The following BRI3BP variants were observed in gnomAD, a reference collection of about 807,000 sequenced individuals.
BRI3BP encodes the protein BRI3-binding protein.
A neutral mutation model predicts 15.8 loss-of-function variants in BRI3BP; 7 were observed. That is an observed-to-expected ratio of 0.44 (90% confidence interval 0.25 to 0.83). The LOEUF is 0.83. Among genes scored for constraint, BRI3BP ranks in the 40% least tolerant of loss-of-function variants. The pLI is 0.20. For missense variants in BRI3BP, 320 were observed against 339.3 expected, an observed-to-expected ratio of 0.94 and a Z score of 0.45; for synonymous variants, 192 against 163.5, an observed-to-expected ratio of 1.17 and a Z score of -1.33.
chr12:125,014,145 C>T (rs907832679), intron 2 of BRI3BP, among the ~76,000 whole-genome samples: 2 of 152,176 alleles, frequency 1.3e-5, no homozygotes, highest in African/African-American at 2.4e-5. Flanking sequence ...TTTTCTCTAC[C>T]GTGCCCCATG....
In BRI3BP at chr12:125,026,951, TA is replaced by T. The variant is rs34513244; in HGVS notation, c.*1537del. Reference sequence around the variant, plus strand: ...TAGGCAACAGAGCAAGACTTCATCTTAAAAAAAAAAAAAAAAGCCCAGCATT... The same window carrying T: ...TAGGCAACAGAGCAAGACTTCATCTTAAAAAAAAAAAAAAAGCCCAGCATT... On this transcript the variant is annotated 3_prime_UTR_variant, in exon 3 of 3. Transcript: ENST00000341446. 23,862 of 129,020 alleles carry T rather than the reference TA, an allele frequency of 0.18. 1,949 individuals are homozygous for T. Among genetic ancestry groups the T allele is most frequent in the South Asian group, 0.33 (1,338 of 4,064 alleles). 8.0% of individuals were successfully genotyped at this position (129,020 alleles called of 1,614,324 possible). A position where few individuals can be genotyped will look rare whatever the true frequency, so the allele number is the denominator to read the frequency against.
At chr12:125,049,706 C>A in the BRI3BP span, among the ~76,000 whole-genome samples, 1 of 152,226 alleles carries the variant, frequency 6.6e-6, no homozygotes, top group Non-Finnish European at 1.5e-5. Flanking sequence ...GCCTATGAAC[C>A]GGAACGCGTC....
chr12:125,024,221 G>A (rs1243367581), intron 2 of BRI3BP, among the ~76,000 whole-genome samples: 3 of 151,812 alleles, frequency 2.0e-5, no homozygotes, highest in Non-Finnish European at 4.4e-5. Context: ...AGCAAAGGGG[G>A]CAGCTGCCAA....
At chr12:125,017,858 G>T (rs1490542796) in intron 2 of BRI3BP, among the ~76,000 whole-genome samples, 1 of 152,166 alleles carries the variant, frequency 6.6e-6, no homozygotes, top group Non-Finnish European at 1.5e-5. Context: ...GGGTTGTGTG[G>T]CTCCGGAAAC....
At chr12:124,996,757 CTT>C (rs35063111) in intron 1 of BRI3BP, among the ~76,000 whole-genome samples, 10 of 132,594 alleles carry the variant, frequency 7.5e-5, no homozygotes, top group Non-Finnish European at 9.6e-5. Context: ...ACCCCATAGT[CTT>C]TTTTTTTTTT....
chr12:125,005,801 C>T (rs1391495012), intron 1 of BRI3BP, among the ~76,000 whole-genome samples: 1 of 151,778 alleles, frequency 6.6e-6, no homozygotes, highest in African/African-American at 2.4e-5. Flanking sequence ...TCTAGAGGCC[C>T]GATAAGATTC....
chr12:125,007,153 C>T (rs921170170), intron 1 of BRI3BP, among the ~76,000 whole-genome samples: 4 of 151,274 alleles, frequency 2.6e-5, no homozygotes, highest in Admixed American at 6.6e-5. Context: ...GAGCCGAGGT[C>T]GCACCACTGT....
At chr12:125,002,646 C>CA (rs1174628922) in intron 1 of BRI3BP, among the ~76,000 whole-genome samples, 2 of 152,048 alleles carry the variant, frequency 1.3e-5, no homozygotes, top group African/African-American at 4.8e-5. Flanking sequence ...TTAGTACAGA[C>CA]AGAGTTTCAC....
chr12:125,000,590 G>T (rs1955082546), intron 1 of BRI3BP, among the ~76,000 whole-genome samples: 1 of 151,958 alleles, frequency 6.6e-6, no homozygotes, highest in Non-Finnish European at 1.5e-5. Context: ...GGGATTACAG[G>T]CGTGAGCCAC....
chr12:125,025,914 C>A lies in BRI3BP; in HGVS notation c.*484C>A. 6.6e-6 allele frequency: 1 copy of A among 152,606 alleles called. No homozygotes were observed. The highest frequency in any genetic ancestry group is 6.5e-5 in the Admixed American group (1 of 15,328). 9.5% of individuals were successfully genotyped at this position (152,606 alleles called of 1,614,324 possible). A position where few individuals can be genotyped will look rare whatever the true frequency, so the allele number is the denominator to read the frequency against. Reference sequence around the variant, plus strand: ...GGGATTGGTGGGTGAGGTCTGTGTGCGTTATTTTCATGTTCCCAAACTGTG... The same window carrying A: ...GGGATTGGTGGGTGAGGTCTGTGTGAGTTATTTTCATGTTCCCAAACTGTG... On this transcript the variant is annotated 3_prime_UTR_variant, in exon 3 of 3. Coordinates refer to ENST00000341446, the MANE Select transcript of BRI3BP (RefSeq NM_080626.6).
intron 1 of BRI3BP, among the ~76,000 whole-genome samples, chr12:125,001,491 CTGGG>C (rs1189361719): frequency 6.6e-6 from 1 of 152,208 alleles, no homozygotes; most frequent in Admixed American, 6.5e-5. Context: ...TCCTGAGTAG[CTGGG>C]CTTACAAGCA....
rs200627841 is a variant in BRI3BP at position 125,025,119 on chromosome 12, G to T, written c.445G>T (p.Val149Phe). ...LSLTLGFTFS[V>F]LHVVFGRFFW... ...CCTGACCCTGGGCTTCACTTTCAGC[G>T]TCCTGCACGTGGTGTTCGGCCGCTT... Residue 149 changes from valine to phenylalanine, a missense_variant, in exon 3 of 3, where the codon GTC becomes TTC. Transcript: ENST00000341446. 1 of 1,613,890 alleles carries T rather than the reference G, an allele frequency of 6.2e-7. No homozygotes were observed. Among genetic ancestry groups the T allele is most frequent in the African/African-American group, 1.3e-5 (1 of 74,908 alleles).
At position 124,993,994 on chromosome 12, in the gene BRI3BP, CG is replaced by C; in HGVS notation, c.205del (p.Ala69LeufsTer8). The C allele has an allele frequency of 7.4e-7, 1 of 1,348,092 alleles. No homozygotes were observed. The highest frequency in any genetic ancestry group is 2.6e-5 in the Admixed American group (1 of 38,712). The allele number at this position is 1,348,092 out of a possible 1,614,324, so 83.5% of individuals were successfully genotyped here. A position where few individuals can be genotyped will look rare whatever the true frequency, so the allele number is the denominator to read the frequency against. On this transcript the variant is annotated frameshift_variant, in exon 1 of 3. Transcript: ENST00000341446. LOFTEE classifies it high-confidence loss of function. ...TGTTCGGCGAGGACAACGTGCGCGC[CG>C]CTCAGAAGGTGGGCGCCGGGCCCGC... ...SLFGEDNVRAAQKFLARLTER... is the reference protein window; with the variant it reads ...SLFGEDNVRAXQKFLARLTER...
chr12:125,025,007 G>T lies in BRI3BP; in HGVS notation c.333G>T (p.Gln111His), dbSNP rs1277620980. The change falls in exon 3 of 3, where the codon CAG becomes CAT. Residue 111 changes from glutamine to histidine, a missense_variant. By Grantham distance (24) the Gln-to-His change is conservative. Transcript: ENST00000341446. ...GTCCCGCAGTCTCCAACCTGTCCCAGTATTTCAGCCCAGCCTCGGTGTCCA... is the reference window on the plus strand; with the variant it reads ...GTCCCGCAGTCTCCAACCTGTCCCATTATTTCAGCCCAGCCTCGGTGTCCA... ...VLGLDVSNLSQYFSPASVSSS... is the reference protein window; with the variant it reads ...VLGLDVSNLSHYFSPASVSSS... 2.5e-6 allele frequency: 4 copies of T among 1,612,692 alleles called. No individual in the cohort carries two copies. The highest frequency in any genetic ancestry group is 8.5e-7 in the Non-Finnish European group (1 of 1,179,648).
chr12:125,000,171 C>G (rs1258823450), intron 1 of BRI3BP, among the ~76,000 whole-genome samples: 2 of 149,362 alleles, frequency 1.3e-5, no homozygotes, highest in African/African-American at 4.9e-5. Context: ...TTTTCCCCTA[C>G]CAACATTTTA....
At chr12:124,994,079 G>A in intron 1 of BRI3BP, 76 bp downstream of exon 1, 1 of 1,029,480 alleles carries the variant, frequency 9.7e-7, no homozygotes, top group Non-Finnish European at 1.2e-6. Flanking sequence ...GACCTGGGAG[G>A]AGCGCGGCCT....
At position 125,025,306 on chromosome 12, in the gene BRI3BP, GCCCCAGCAA is replaced by G. The variant is rs536585330; in HGVS notation, c.649_657del (p.Asn217_Ser219del). On this transcript the variant is annotated inframe_deletion, in exon 3 of 3. Coordinates refer to ENST00000341446, the MANE Select transcript of BRI3BP (RefSeq NM_080626.6). ...TTCTACTGGCGAAGCAGTCCCAGCGGCCCCAGCAACCCCAGCAACCCCAGCGTGGAGGAG... is the reference window on the plus strand; with the variant it reads ...TTCTACTGGCGAAGCAGTCCCAGCGGCCCCAGCAACCCCAGCGTGGAGGAG... 605 of 1,613,602 alleles carry G rather than the reference GCCCCAGCAA, an allele frequency of 3.7e-4. 1 individual carries two copies. The African/African-American group carries it at 5.0e-3, about 13-fold the overall frequency.
chr12:125,002,444 G>GTT (rs60534735), intron 1 of BRI3BP, among the ~76,000 whole-genome samples: 20 of 142,566 alleles, frequency 1.4e-4, no homozygotes, highest in African/African-American at 4.4e-4. Flanking sequence ...TCCAGAACTG[G>GTT]TTTTTTTTTT....
At chr12:125,048,662 G>A in the BRI3BP span, among the ~76,000 whole-genome samples, 1 of 151,560 alleles carries the variant, frequency 6.6e-6, no homozygotes, top group Non-Finnish European at 1.5e-5. Flanking sequence ...TAACTAACCT[G>A]CACATTGTGC....
Sources: gnomAD v4.1 joint callset for allele counts (sites outside exome capture counted in the v4.1 genomes callset) on GRCh38, gnomAD v4.1.1 for gene constraint, MANE v1.5 for transcripts, NCBI Gene and HGNC (gene_info 2026-07-23, HGNC 2026-07-21) for gene names.